SPTBN1: variants seen among roughly 807,000 people sequenced by gnomAD.
SPTBN1 encodes the protein spectrin beta, non-erythrocytic 1, also known as spectrin beta chain, non-erythrocytic 1.
In SPTBN1, 32 loss-of-function variants were observed where a neutral mutation model predicts 266.4. The observed-to-expected ratio is 0.12, with a 90% confidence interval of 0.09 to 0.16. The LOEUF is 0.16. Ranked by LOEUF, SPTBN1 falls within the 10% of genes least tolerant of loss-of-function variation. The probability of loss-of-function intolerance (pLI) is 1.00; values close to 1 mark genes in which losing one functional copy is unlikely to be tolerated. For synonymous variants in SPTBN1, 1,336 were observed against 1,162.2 expected, an observed-to-expected ratio of 1.15 and a Z score of -3.04; for missense variants, 2,296 against 3,067.1, an observed-to-expected ratio of 0.75 and a Z score of 5.94.
chr2:54,501,421 A>G (rs1446454605), intron 1 of SPTBN1, among the ~76,000 whole-genome samples: 2 of 152,226 alleles, frequency 1.3e-5, no homozygotes, highest in African/African-American at 4.8e-5. Flanking sequence ...TCACTTCTGC[A>G]TATTGTAGAA....
At position 54,657,499 on chromosome 2, in the gene SPTBN1, C is replaced by T. The variant is rs991048256; in HGVS notation, c.6047-351C>T. Among the ~76,000 whole-genome samples, 6 of 152,054 alleles carry T rather than the reference C, an allele frequency of 3.9e-5. No individual in the cohort carries two copies. The South Asian group carries it at 8.3e-4, about 21-fold the overall frequency. ...ATTGAGATGGGCAGTGAATGTGTGC[C>T]GTAAAATGCACATCAGATTTAGATT... On this transcript the variant is annotated intron_variant, in intron 29 of 35. Transcript: ENST00000356805.
At chr2:54,611,262 A>G (rs562446512) in intron 3 of SPTBN1, among the ~76,000 whole-genome samples, 60 of 152,278 alleles carry the variant, frequency 3.9e-4, no homozygotes, top group Non-Finnish European at 6.3e-4. Flanking sequence ...ATTGTCACCA[A>G]TCTCTAAAAA....
intron 2 of SPTBN1, among the ~76,000 whole-genome samples, chr2:54,571,568 C>CAT (rs1220371651): frequency 4.0e-4 from 21 of 52,214 alleles, no homozygotes; most frequent in Admixed American, 1.7e-3. Flanking sequence ...CACACACACA[C>CAT]ACACACATAC....
chr2:54,667,844 C>G (rs184320699), intron 35 of SPTBN1, among the ~76,000 whole-genome samples, 198 bp downstream of exon 35: 1 of 152,276 alleles, frequency 6.6e-6, no homozygotes, highest in African/African-American at 2.4e-5. Flanking sequence ...GTCCCTTTGC[C>G]GAGGCAGGAT....
At chr2:54,545,339 CAG>C (rs998193537) in intron 2 of SPTBN1, 2 of 152,102 alleles carry the variant, frequency 1.3e-5, no homozygotes, top group African/African-American at 4.8e-5. Flanking sequence ...TTGTGGAAGA[CAG>C]TGTGGCAATT....
At chr2:54,500,333 C>A (rs1001022920) in intron 1 of SPTBN1, among the ~76,000 whole-genome samples, 3 of 152,064 alleles carry the variant, frequency 2.0e-5, no homozygotes, top group Non-Finnish European at 4.4e-5. Context: ...CTCAGTGGGC[C>A]TCAGGTGTTC....
At chr2:54,624,693 C>A in intron 10 of SPTBN1, 111 bp from the exon 11 acceptor site, 1 of 1,472,046 alleles carries the variant, frequency 6.8e-7, no homozygotes, top group South Asian at 1.3e-5. Flanking sequence ...ATTTCCCATT[C>A]AAGCTGTCAG....
At chr2:54,662,815 GT>G (rs1336626477) in intron 32 of SPTBN1, 4 of 152,162 alleles carry the variant, frequency 2.6e-5, no homozygotes, top group African/African-American at 9.7e-5. Flanking sequence ...TAAGTAGTCT[GT>G]TGCTCATAAG....
At chr2:54,487,853 G>A (rs1171632018) in intron 1 of SPTBN1, among the ~76,000 whole-genome samples, 4 of 360 alleles carry the variant, frequency 0.011, no homozygotes, top group African/African-American at 0.034. Flanking sequence ...TTTTTGAGAC[G>A]GAGTCTTGCT....
intron 1 of SPTBN1, among the ~76,000 whole-genome samples, chr2:54,470,551 G>C (rs1316759897): frequency 1.3e-5 from 2 of 152,204 alleles, no homozygotes; most frequent in Non-Finnish European, 2.9e-5. Flanking sequence ...AGCAAGAATG[G>C]AATGTAGCAG....
At chr2:54,514,061 A>G (rs967773094) in intron 1 of SPTBN1, among the ~76,000 whole-genome samples, 16 of 152,354 alleles carry the variant, frequency 1.1e-4, no homozygotes, top group Admixed American at 3.9e-4. Context: ...ATAAATTTCT[A>G]TGCAGCAGAT....
intron 1 of SPTBN1, among the ~76,000 whole-genome samples, chr2:54,476,773 AAAAG>A (rs1667854625): frequency 6.6e-6 from 1 of 152,212 alleles, no homozygotes. Flanking sequence ...ATTGTTTGTT[AAAAG>A]AGTTGACTAT....
In SPTBN1 at chr2:54,642,989, C is replaced by G; in HGVS notation, c.3865C>G (p.Leu1289Val). The G allele has an allele frequency of 6.2e-7, 1 of 1,613,312 alleles. No individual in the cohort carries two copies. Among genetic ancestry groups the G allele is most frequent in the Non-Finnish European group, 8.5e-7 (1 of 1,179,514 alleles). Residue 1289 changes from leucine (L) to valine (V), a missense_variant, in exon 19 of 36, where the codon CTC becomes GTC. Coordinates refer to ENST00000356805, the MANE Select transcript of SPTBN1 (RefSeq NM_003128.3). Reference sequence around the variant, plus strand: ...CCTTCTGATCTTTCTGTAGCTGTCTCTCTGGATCAATGAGAAGATGCTCAC... The same window carrying G: ...CCTTCTGATCTTTCTGTAGCTGTCTGTCTGGATCAATGAGAAGATGCTCAC... ...KFLQDCQELS[L>V]WINEKMLTAQ...
chr2:54,660,907 TC>T, intron 32 of SPTBN1: 2 of 985,472 alleles, frequency 2.0e-6, no homozygotes, highest in Non-Finnish European at 2.4e-6. Flanking sequence ...CTCACAGACT[TC>T]CATGCCTCTC....
chr2:54,492,341 G>GT (rs780631106), intron 1 of SPTBN1, among the ~76,000 whole-genome samples: 12,637 of 87,238 alleles, frequency 0.14, 1,177 homozygotes, highest in African/African-American at 0.24. Context: ...GTCTGCAGTT[G>GT]TTTTTTTGTT....
At chr2:54,668,251 AC>A in intron 35 of SPTBN1, 99 bp from the exon 36 acceptor site, 1 of 1,092,894 alleles carries the variant, frequency 9.2e-7, no homozygotes, top group Non-Finnish European at 1.4e-6. Flanking sequence ...GACTCTGCTT[AC>A]CCCTCAGTTG....
At chr2:54,560,551 T>C (rs940360833) in intron 2 of SPTBN1, among the ~76,000 whole-genome samples, 1 of 151,958 alleles carries the variant, frequency 6.6e-6, no homozygotes, top group Non-Finnish European at 1.5e-5. Context: ...CAACGTAAAG[T>C]TTAAATTTAA....
chr2:54,545,337 G>T (rs1672178737), intron 2 of SPTBN1: 1 of 152,154 alleles, frequency 6.6e-6, no homozygotes, highest in African/African-American at 2.4e-5. Context: ...CATTGTGGAA[G>T]ACAGTGTGGC....
intron 1 of SPTBN1, among the ~76,000 whole-genome samples, chr2:54,465,569 AAAG>A (rs940740370): frequency 7.3e-5 from 11 of 151,004 alleles, no homozygotes; most frequent in South Asian, 2.1e-4. Context: ...TTTTGTATGA[AAAG>A]AAATTCCTGT....
Sources: allele counts gnomAD v4.1 joint callset (sites outside exome capture counted in the v4.1 genomes callset), GRCh38; gene constraint gnomAD v4.1.1; transcripts MANE v1.5; gene names NCBI Gene and HGNC (gene_info 2026-07-23, HGNC 2026-07-21).